Variants in MS4A13 observed in about 807,000 individuals in gnomAD.
MS4A13 encodes membrane-spanning 4-domains subfamily A member 13.
Under a neutral mutation model 18.4 loss-of-function variants are expected in MS4A13, and 21 were observed. The observed-to-expected ratio is 1.14, with a 90% CI of 0.81 to 1.64. MS4A13 has a LOEUF of 1.64. Among genes scored for constraint, MS4A13 ranks in the 40% most tolerant of loss-of-function variants. MS4A13 has a pLI of 0.00. For missense variants in MS4A13, 173 were observed against 176.8 expected (o/e 0.98, Z 0.12); for synonymous variants, 62 against 57.2 (o/e 1.08, Z -0.38).
At chr11:60,526,504 C>G (rs1266304060) in intron 5 of MS4A13, among the ~76,000 whole-genome samples, 1 of 152,214 alleles carries the variant, frequency 6.6e-6, no homozygotes, top group African/African-American at 2.4e-5. Context: ...TTTATCTGAT[C>G]TGAACTCAAT....
chr11:60,518,131 G>C lies in MS4A13; in HGVS notation c.48G>C (p.Leu16Phe). 1 of 1,609,866 alleles carries C rather than the reference G, an allele frequency of 6.2e-7. No individual in the cohort carries two copies. The highest frequency in any genetic ancestry group is 8.5e-7 in the Non-Finnish European group (1 of 1,176,756). Residue 16 changes from leucine to phenylalanine, a missense_variant, in exon 3 of 7, where the codon TTG (leucine) becomes TTC (phenylalanine). By Grantham distance (22) the Leu-to-Phe change is conservative. Coordinates refer to ENST00000378186, the MANE Select transcript of MS4A13 (RefSeq NM_001012417.3). ...HIFMWYFLLVLYMGQIKGAFG... is the reference protein window; with the variant it reads ...HIFMWYFLLVFYMGQIKGAFG... ...TCATGTGGTACTTTCTATTGGTTTT[G>C]TATATGGGACAAATTAAAGGAGCCT...
At chr11:60,541,869 C>T (rs1240919914) in intron 6 of MS4A13, among the ~76,000 whole-genome samples, 1 of 152,014 alleles carries the variant, frequency 6.6e-6, no homozygotes, top group Non-Finnish European at 1.5e-5. Flanking sequence ...GAGTCTGAAG[C>T]AGGAGGATCA....
intron 5 of MS4A13, among the ~76,000 whole-genome samples, chr11:60,527,358 T>TTCCC (rs2086720495): frequency 1.2e-5 from 1 of 81,940 alleles, no homozygotes; most frequent in African/African-American, 4.7e-5. Context: ...AACTCATTCA[T>TTCCC]TCCGTCTCTC....
intron 6 of MS4A13, among the ~76,000 whole-genome samples, chr11:60,540,577 C>A (rs1293821890): frequency 6.6e-6 from 1 of 152,024 alleles, no homozygotes; most frequent in Non-Finnish European, 1.5e-5. Flanking sequence ...AGTGATTAAG[C>A]AAGCTAAAAA....
intron 6 of MS4A13, among the ~76,000 whole-genome samples, chr11:60,540,320 C>A (rs1470060044): frequency 6.6e-6 from 1 of 152,186 alleles, no homozygotes; most frequent in Admixed American, 6.5e-5. Flanking sequence ...TGTATCATAG[C>A]TTGCCAACCC....
At chr11:60,542,413 C>T in intron 6 of MS4A13, 106 bp from the exon 7 acceptor site, 1 of 617,166 alleles carries the variant, frequency 1.6e-6, no homozygotes, top group East Asian at 2.9e-5. Flanking sequence ...AGATTTCACT[C>T]TATAAATATC....
intron 5 of MS4A13, among the ~76,000 whole-genome samples, chr11:60,527,822 C>T (rs1226093709): frequency 1.3e-5 from 2 of 151,482 alleles, no homozygotes; most frequent in South Asian, 2.1e-4. Context: ...GGTGATAGAG[C>T]GAGACTCAGT....
intron 5 of MS4A13, 21 bp from the exon 6 acceptor site, chr11:60,529,344 C>T: frequency 7.9e-7 from 1 of 1,263,316 alleles, no homozygotes; most frequent in Middle Eastern, 2.7e-4. Flanking sequence ...ATTAAGATTT[C>T]TCCCTGTTTT....
At chr11:60,527,404 CTCTCTCTG>C (rs1225193336) in intron 5 of MS4A13, among the ~76,000 whole-genome samples, 2 of 73,518 alleles carry the variant, frequency 2.7e-5, no homozygotes, top group African/African-American at 1.3e-4. Flanking sequence ...CTCTCTCTCT[CTCTCTCTG>C]TGTGTGTGTG....
intron 5 of MS4A13, among the ~76,000 whole-genome samples, chr11:60,527,734 G>T (rs943716468): frequency 6.6e-6 from 1 of 152,010 alleles, no homozygotes; most frequent in Non-Finnish European, 1.5e-5. Flanking sequence ...TACTCCGGAG[G>T]CTAAGGCACG....
intron 6 of MS4A13, among the ~76,000 whole-genome samples, chr11:60,540,357 T>G (rs946300191): frequency 6.6e-6 from 1 of 152,334 alleles, no homozygotes; most frequent in Non-Finnish European, 1.5e-5. Flanking sequence ...TTCTCAATTT[T>G]TCTCTTAAAT....
At chr11:60,541,775 A>G (rs1431098306) in intron 6 of MS4A13, among the ~76,000 whole-genome samples, 1 of 152,106 alleles carries the variant, frequency 6.6e-6, no homozygotes, top group South Asian at 2.1e-4. Flanking sequence ...GGTACACCAA[A>G]AGATACAAGT....
intron 6 of MS4A13, among the ~76,000 whole-genome samples, chr11:60,542,299 AAAGGGAGG>A (rs951692741): frequency 1.8e-4 from 27 of 151,608 alleles, no homozygotes; most frequent in African/African-American, 6.1e-4. Flanking sequence ...AAGAAAGAAG[AAAGGGAGG>A]AAGGGAGGAA....
chr11:60,523,463 T>C (rs1023429079), intron 3 of MS4A13, among the ~76,000 whole-genome samples: 1 of 152,200 alleles, frequency 6.6e-6, no homozygotes, highest in African/African-American at 2.4e-5. Flanking sequence ...TTTTGTACCA[T>C]CACAATATGG....
intron 3 of MS4A13, among the ~76,000 whole-genome samples, chr11:60,522,263 C>G (rs1280788185): frequency 1.8e-5 from 1 of 56,786 alleles, no homozygotes; most frequent in East Asian, 6.0e-4. Flanking sequence ...GATATATACA[C>G]ACATATATAT....
chr11:60,524,972 A>T (rs995466591), intron 4 of MS4A13, among the ~76,000 whole-genome samples: 1 of 152,158 alleles, frequency 6.6e-6, no homozygotes, highest in Non-Finnish European at 1.5e-5. Flanking sequence ...AAAAAATACA[A>T]TATGTTTTAG....
intron 3 of MS4A13, among the ~76,000 whole-genome samples, chr11:60,521,252 G>A (rs540247559): frequency 4.6e-5 from 7 of 152,306 alleles, no homozygotes; most frequent in African/African-American, 1.7e-4. Context: ...TTTCCCCATT[G>A]TCTTGAGAAT....
intron 4 of MS4A13, among the ~76,000 whole-genome samples, 188 bp from the exon 5 acceptor site, chr11:60,525,019 G>T (rs960415700): frequency 6.6e-6 from 1 of 152,108 alleles, no homozygotes; most frequent in Non-Finnish European, 1.5e-5. Context: ...GACTGATGGT[G>T]TTAATGTTTC....
rs965515285 is a variant in MS4A13 at position 60,532,314 on chromosome 11, C to T, written c.402+2854C>T. On this transcript the variant is annotated intron_variant, in intron 6 of 6. Transcript: ENST00000378186. ...CAGTGGGCGCAGGCCAGTGTGTGCA[C>T]GCACCGTGCGCGAGCCGAAGCAGGG... Among the ~76,000 whole-genome samples, 48 of 152,154 alleles carry T rather than the reference C, an allele frequency of 3.2e-4. 1 individual carries two copies. Among genetic ancestry groups the T allele is most frequent in the South Asian group, 4.1e-4 (2 of 4,824 alleles).
Sources: allele counts gnomAD v4.1 joint callset (sites outside exome capture counted in the v4.1 genomes callset), GRCh38; gene constraint gnomAD v4.1.1; transcripts MANE v1.5; gene names NCBI Gene and HGNC (gene_info 2026-07-23, HGNC 2026-07-21).